ADAM22: variants seen among roughly 807,000 people sequenced by gnomAD.
ADAM22 encodes ADAM metallopeptidase domain 22.
A neutral mutation model predicts 144.6 loss-of-function variants in ADAM22; 65 were observed. That is an observed-to-expected ratio of 0.45 (90% CI 0.37 to 0.55). ADAM22 has a LOEUF of 0.55. ADAM22 is among the 20% of genes least tolerant of loss of function. The pLI, the probability that ADAM22 is intolerant of heterozygous loss-of-function variation, is 0.00. For synonymous variants in ADAM22, 391 were observed against 412.6 expected (o/e 0.95, Z 0.63); for missense variants, 974 against 1,184.9 (o/e 0.82, Z 2.61).
At chr7:88,012,720 A>C (rs10249015) in intron 3 of ADAM22, among the ~76,000 whole-genome samples, 64,974 of 151,892 alleles carry the variant, frequency 0.43, 14,517 homozygotes, top group South Asian at 0.59. Flanking sequence ...TCTATAATTT[A>C]ATGATTAAAT....
At chr7:87,962,765 A>G (rs557110865) in intron 2 of ADAM22, among the ~76,000 whole-genome samples, 5 of 152,180 alleles carry the variant, frequency 3.3e-5, no homozygotes, top group African/African-American at 9.6e-5. Flanking sequence ...TGCATCTTAC[A>G]TGTATTCAGT....
intron 4 of ADAM22, among the ~76,000 whole-genome samples, chr7:88,084,253 T>G (rs992959720): frequency 6.6e-6 from 1 of 152,198 alleles, no homozygotes; most frequent in Admixed American, 6.5e-5. Flanking sequence ...ACGTAACTCA[T>G]GAAGCGCTGA....
intron 4 of ADAM22, among the ~76,000 whole-genome samples, chr7:88,090,701 T>C (rs1358878948): frequency 6.6e-6 from 1 of 152,172 alleles, no homozygotes; most frequent in East Asian, 1.9e-4. Flanking sequence ...AGCTCAACTT[T>C]CTAAAAGTGA....
At chr7:88,063,615 A>G (rs779101912) in intron 3 of ADAM22, among the ~76,000 whole-genome samples, 1 of 152,224 alleles carries the variant, frequency 6.6e-6, no homozygotes, top group Non-Finnish European at 1.5e-5. Flanking sequence ...GAAAGTGCCC[A>G]TTGAAAGCCC....
chr7:88,061,407 C>T (rs1809826259), intron 3 of ADAM22, among the ~76,000 whole-genome samples: 1 of 152,062 alleles, frequency 6.6e-6, no homozygotes. Context: ...CTATCTATGG[C>T]AGCAATAGCC....
chr7:88,148,875 G>C, intron 17 of ADAM22, 102 bp from the exon 18 acceptor site: 1 of 849,154 alleles, frequency 1.2e-6, no homozygotes, highest in East Asian at 2.8e-5. Context: ...AGTAGTTTAA[G>C]GTATTTCTAG....
chr7:88,084,699 TA>T (rs1346933884), intron 4 of ADAM22, among the ~76,000 whole-genome samples: 2 of 152,256 alleles, frequency 1.3e-5, no homozygotes, highest in Non-Finnish European at 2.9e-5. Context: ...TGTAACGTTT[TA>T]TATTTTTTCC....
intron 26 of ADAM22, among the ~76,000 whole-genome samples, chr7:88,177,699 A>G (rs1161821227): frequency 6.6e-6 from 1 of 152,230 alleles, no homozygotes; most frequent in African/African-American, 2.4e-5. Context: ...CAATCATTCA[A>G]CAGAATGAAT....
rs184032079 is a variant in ADAM22, at chr7:88,173,983, A to G, written c.2300+2422A>G. On this transcript the variant is annotated intron_variant, in intron 26 of 31. Transcript: ENST00000413139. ...ACACATACTGGTTGAGGTGGTGGAA[A>G]TGTCGGTGAATGTAAACTTTTGCTT... Among the ~76,000 whole-genome samples the G allele has an allele frequency of 2.6e-5, 4 of 152,264 alleles. No homozygotes were observed. The East Asian group carries it at 7.7e-4, about 29-fold the overall frequency.
intron 2 of ADAM22, among the ~76,000 whole-genome samples, chr7:87,957,917 T>C (rs987675145): frequency 2.0e-5 from 3 of 152,192 alleles, no homozygotes; most frequent in Non-Finnish European, 4.4e-5. Flanking sequence ...TATATATCCA[T>C]AACAATATAT....
chr7:88,007,254 C>T (rs1157597606), intron 3 of ADAM22, among the ~76,000 whole-genome samples: 6 of 152,162 alleles, frequency 3.9e-5, no homozygotes, highest in Non-Finnish European at 4.4e-5. Flanking sequence ...AAAGAGGATA[C>T]AAACAAATGG....
intron 3 of ADAM22, among the ~76,000 whole-genome samples, chr7:88,014,087 T>C (rs543172863): frequency 1.6e-3 from 244 of 152,298 alleles, no homozygotes; most frequent in Non-Finnish European, 2.2e-3. Flanking sequence ...GTTAGTATGA[T>C]TTCCTAAAGA....
rs560320537 is a variant in ADAM22, at chr7:88,174,140, A to G, written c.2300+2579A>G. Among the ~76,000 whole-genome samples, 8 of 152,280 alleles carry G rather than the reference A, an allele frequency of 5.3e-5. No individual in the cohort carries two copies. In the East Asian group the frequency reaches 1.5e-3, roughly 29 times the overall value. On this transcript the variant is annotated intron_variant, in intron 26 of 31. Transcript: ENST00000413139. ...GAGAGGACAGGCAAGTAGTTCTGTG[A>G]GTGAATTTGATAACCAGATAAATTT...
intron 7 of ADAM22, among the ~76,000 whole-genome samples, chr7:88,123,045 A>G (rs1829671285): frequency 6.6e-6 from 1 of 152,170 alleles, no homozygotes. Context: ...TTTCTCCTTT[A>G]ATCTGTTAAT....
intron 13 of ADAM22, among the ~76,000 whole-genome samples, chr7:88,134,911 G>A (rs1056664504): frequency 1.3e-5 from 2 of 152,028 alleles, no homozygotes; most frequent in Non-Finnish European, 2.9e-5. Context: ...AGTAGGTAAA[G>A]TCACTTTACC....
intron 3 of ADAM22, among the ~76,000 whole-genome samples, chr7:88,051,436 C>T (rs912852457): frequency 6.6e-6 from 1 of 151,788 alleles, no homozygotes; most frequent in Non-Finnish European, 1.5e-5. Context: ...TCATTCTGAG[C>T]AAACTATCAC....
At chr7:87,968,340 G>A (rs888628423) in intron 2 of ADAM22, among the ~76,000 whole-genome samples, 7 of 152,124 alleles carry the variant, frequency 4.6e-5, no homozygotes, top group Non-Finnish European at 1.0e-4. Context: ...TATCAGAATC[G>A]CTGAATTTGA....
intron 3 of ADAM22, among the ~76,000 whole-genome samples, chr7:88,051,029 G>A (rs898244616): frequency 2.6e-5 from 4 of 152,040 alleles, no homozygotes; most frequent in East Asian, 1.9e-4. Flanking sequence ...CTTGAATGGC[G>A]ATCATTAAAA....
At chr7:88,011,724 C>G (rs1285430662) in intron 3 of ADAM22, among the ~76,000 whole-genome samples, 1 of 151,752 alleles carries the variant, frequency 6.6e-6, no homozygotes, top group Non-Finnish European at 1.5e-5. Flanking sequence ...TTCTCTCTCT[C>G]TCTCTCTCCG....
Sources: gnomAD v4.1 joint callset for allele counts (sites outside exome capture counted in the v4.1 genomes callset) on GRCh38, gnomAD v4.1.1 for gene constraint, MANE v1.5 for transcripts, NCBI Gene and HGNC (gene_info 2026-07-23, HGNC 2026-07-21) for gene names.